PPP3CA: variants seen among roughly 807,000 people sequenced by gnomAD.
PPP3CA encodes the protein protein phosphatase 3 catalytic subunit alpha.
PPP3CA carries 14 observed loss-of-function variants against 66.5 expected under a neutral mutation model. That is an observed-to-expected ratio of 0.21 (90% CI 0.14 to 0.33). The LOEUF (loss-of-function observed/expected upper bound fraction) is 0.33, where lower values mean the gene tolerates loss of function less well. Ranked by LOEUF, PPP3CA falls within the 10% of genes least tolerant of loss-of-function variation. PPP3CA has a pLI of 1.00. For synonymous variants in PPP3CA, 232 were observed against 226.2 expected (o/e 1.03, Z -0.23); for missense variants, 317 against 639.5 (o/e 0.50, Z 5.44).
At chr4:101,330,271 G>T (rs773836632) in intron 1 of PPP3CA, 4 of 430,874 alleles carry the variant, frequency 9.3e-6, no homozygotes, top group Admixed American at 3.6e-5. Context: ...CTGAAGATAG[G>T]ACTGACTTGG....
At chr4:101,055,637 G>C (rs1436346406) in intron 10 of PPP3CA, among the ~76,000 whole-genome samples, 1 of 152,086 alleles carries the variant, frequency 6.6e-6, no homozygotes, top group East Asian at 1.9e-4. Flanking sequence ...CTAACGAAGA[G>C]AGAATCATGA....
In PPP3CA at chr4:101,025,906, C is replaced by CGTTA; in HGVS notation, c.1521_1524dup (p.Gly509Ter). On this transcript the variant is annotated stop_gained and frameshift_variant, in exon 14 of 14. Coordinates refer to ENST00000394854, the MANE Select transcript of PPP3CA (RefSeq NM_000944.5). LOFTEE classifies it high-confidence loss of function. The stretch of plus-strand genomic sequence containing the variant: ...CTATTACTGCCATTGCTGTCCGTGC[C>CGTTA]GTTAGTCTCTGAGGTGAGAGCCTTG... The CGTTA allele has an allele frequency of 6.2e-7, 1 of 1,608,770 alleles. No individual in the cohort carries two copies. Among genetic ancestry groups the CGTTA allele is most frequent in the African/African-American group, 1.3e-5 (1 of 74,160 alleles).
At chr4:101,123,246 T>A (rs1384055002) in intron 2 of PPP3CA, among the ~76,000 whole-genome samples, 1 of 152,184 alleles carries the variant, frequency 6.6e-6, no homozygotes, top group Non-Finnish European at 1.5e-5. Flanking sequence ...GCCTGGCACA[T>A]AGGGGATCCT....
chr4:101,238,023 A>G (rs1726181458), intron 1 of PPP3CA, among the ~76,000 whole-genome samples: 1 of 152,054 alleles, frequency 6.6e-6, no homozygotes, highest in Admixed American at 6.6e-5. Context: ...TTAGGCCCAC[A>G]GGTGTTGGTC....
At chr4:101,132,954 C>G (rs1433564028) in intron 2 of PPP3CA, among the ~76,000 whole-genome samples, 1 of 152,098 alleles carries the variant, frequency 6.6e-6, no homozygotes, top group Non-Finnish European at 1.5e-5. Context: ...CATACGCAAA[C>G]CAATAAACAT....
chr4:101,083,228 T>C lies in PPP3CA; in HGVS notation c.818A>G (p.Asn273Ser). ...PAVCEFLQHN[N>S]LLSILRAHEA... ...GTGGGCTCGGAGTATAGATAACAAG[T>C]TATTGTGCTGTAAGAATTCACATAC... The change falls in exon 7 of 14, where the codon AAC (asparagine) becomes AGC (serine). Residue 273 changes from asparagine (N) to serine (S), a missense_variant. Asn to Ser is a conservative substitution (Grantham distance 46). Around this residue, in one of 3 missense-constraint regions of PPP3CA, gnomAD observed 201 missense variants for 501.4 expected, o/e 0.40. Coordinates refer to ENST00000394854, the MANE Select transcript of PPP3CA (RefSeq NM_000944.5). 6.2e-7 allele frequency: 1 copy of C among 1,607,960 alleles called. No homozygotes were observed. The highest frequency in any genetic ancestry group is 8.5e-7 in the Non-Finnish European group (1 of 1,176,750).
intron 11 of PPP3CA, among the ~76,000 whole-genome samples, chr4:101,038,121 G>T (rs1206577597): frequency 1.3e-5 from 2 of 152,092 alleles, no homozygotes; most frequent in East Asian, 3.9e-4. Flanking sequence ...CTGGCACTTA[G>T]CAAGTGCCCC....
intron 2 of PPP3CA, among the ~76,000 whole-genome samples, chr4:101,126,035 C>T (rs553077196): frequency 6.6e-6 from 1 of 152,196 alleles, no homozygotes; most frequent in East Asian, 1.9e-4. Flanking sequence ...TAAATTTATA[C>T]ACAATATTTT....
chr4:101,124,324 G>A (rs896582158), intron 2 of PPP3CA, among the ~76,000 whole-genome samples: 1 of 152,000 alleles, frequency 6.6e-6, no homozygotes, highest in African/African-American at 2.4e-5. Context: ...GAAGTACATA[G>A]AAATAACTAT....
At chr4:101,116,749 T>C (rs1231285927) in intron 2 of PPP3CA, among the ~76,000 whole-genome samples, 1 of 151,920 alleles carries the variant, frequency 6.6e-6, no homozygotes, top group African/African-American at 2.4e-5. Flanking sequence ...ATAACATCGT[T>C]CTAATTTACT....
chr4:101,131,237 A>AAAACAAAC (rs747123120), intron 2 of PPP3CA, among the ~76,000 whole-genome samples: 2 of 138,672 alleles, frequency 1.4e-5, no homozygotes, highest in African/African-American at 5.9e-5. Context: ...ACTCCGTCTC[A>AAAACAAAC]AAATAAATAA....
intron 1 of PPP3CA, among the ~76,000 whole-genome samples, chr4:101,309,365 T>C (rs1393007616): frequency 6.6e-6 from 1 of 152,090 alleles, no homozygotes; most frequent in East Asian, 1.9e-4. Context: ...TAATAATCCA[T>C]AAATAAGAGA....
intron 2 of PPP3CA, among the ~76,000 whole-genome samples, chr4:101,190,018 GATTGGAAAC>G (rs1724547507): frequency 6.6e-6 from 1 of 152,050 alleles, no homozygotes. Context: ...ATATGGATAA[GATTGGAAAC>G]ATGAGTATAA....
At chr4:101,041,723 C>T (rs1397459316) in intron 10 of PPP3CA, among the ~76,000 whole-genome samples, 6 of 151,904 alleles carry the variant, frequency 3.9e-5, no homozygotes, top group African/African-American at 4.8e-5. Context: ...TGTGAGCCAC[C>T]GCACCTGGTC....
At chr4:101,218,524 T>C (rs1345621814) in intron 1 of PPP3CA, among the ~76,000 whole-genome samples, 3 of 152,016 alleles carry the variant, frequency 2.0e-5, no homozygotes, top group South Asian at 4.1e-4. Context: ...AGTTTTCCCA[T>C]AGCTCTCACC....
rs1730055211 is a variant in PPP3CA at position 101,347,425 on chromosome 4, G to A, written c.-629C>T. The A allele has an allele frequency of 6.0e-6, 1 of 166,652 alleles. No homozygotes were observed. 10.3% of individuals were successfully genotyped at this position (166,652 alleles called of 1,614,324 possible). ...GTGCCGCGGCCGCCGGAGACGTCCC[G>A]CCGCCGCGATCGCCCGCGCTCGCCT... On this transcript the variant is annotated 5_prime_UTR_variant, in exon 1 of 14. Transcript: ENST00000394854.
chr4:101,126,232 T>G (rs902152502), intron 2 of PPP3CA, among the ~76,000 whole-genome samples: 1 of 152,186 alleles, frequency 6.6e-6, no homozygotes, highest in African/African-American at 2.4e-5. Context: ...TGAAAACATT[T>G]TAAGTACCAT....
chr4:101,283,779 T>C (rs17031123), intron 1 of PPP3CA, among the ~76,000 whole-genome samples: 3,230 of 152,218 alleles, frequency 0.021, 101 homozygotes, highest in African/African-American at 0.074. Flanking sequence ...TAAATCCAGG[T>C]TGGGTACCAC....
At chr4:101,219,970 G>T (rs1725572451) in intron 1 of PPP3CA, among the ~76,000 whole-genome samples, 1 of 151,816 alleles carries the variant, frequency 6.6e-6, no homozygotes, top group South Asian at 2.1e-4. Flanking sequence ...TTTCCATGAA[G>T]TTAAGTACTT....
Sources: allele counts gnomAD v4.1 joint callset (sites outside exome capture counted in the v4.1 genomes callset), GRCh38; gene constraint gnomAD v4.1.1; regional missense constraint gnomAD v4.1.1; transcripts MANE v1.5; gene names NCBI Gene and HGNC (gene_info 2026-07-23, HGNC 2026-07-21).